Variants in KAZN observed in about 807,000 individuals in gnomAD.
KAZN encodes the protein kazrin, periplakin interacting protein, also known as kazrin.
A neutral mutation model predicts 87.4 loss-of-function variants in KAZN; 40 were observed. That is an observed-to-expected ratio of 0.46 (90% confidence interval 0.36 to 0.60). The LOEUF is 0.60. Ranked by LOEUF, KAZN falls within the 20% of genes least tolerant of loss-of-function variation. The pLI is 0.00. For missense variants in KAZN, 898 were observed against 1,073.9 expected, an observed-to-expected ratio of 0.84 and a Z score of 2.29; for synonymous variants, 466 against 458.3, an observed-to-expected ratio of 1.02 and a Z score of -0.22.
chr1:15,104,036 A>G lies in KAZN; in HGVS notation c.1895A>G (p.Asn632Ser), dbSNP rs1235400227. The G allele has an allele frequency of 6.8e-6, 11 of 1,613,560 alleles. No individual in the cohort carries two copies. Among genetic ancestry groups the G allele is most frequent in the Non-Finnish European group, 8.5e-6 (10 of 1,179,786 alleles). Reference protein sequence around the residue: ...RDIDLKEYADNLTNSGVHGAV... With the variant: ...RDIDLKEYADSLTNSGVHGAV... ...CTTTGCCCCCAGGAGTACGCAGACAACCTGACCAACAGCGGCGTCCATGGT... is the reference window on the plus strand; with the variant it reads ...CTTTGCCCCCAGGAGTACGCAGACAGCCTGACCAACAGCGGCGTCCATGGT... Residue 632 changes from asparagine (N) to serine (S), a missense_variant, in exon 13 of 15, where the codon AAC becomes AGC. By Grantham distance (46) the Asn-to-Ser change is conservative (BLOSUM62 1). Around this residue, in one of 3 missense-constraint regions of KAZN, gnomAD observed 521 missense variants for 689.4 expected, o/e 0.76. Transcript: ENST00000376030.
At chr1:14,472,878 G>C (rs559180861) in intron 2 of KAZN, among the ~76,000 whole-genome samples, 10 of 152,236 alleles carry the variant, frequency 6.6e-5, no homozygotes, top group African/African-American at 2.2e-4. Flanking sequence ...ATACAAAGTC[G>C]ATTAGATATG....
intron 2 of KAZN, among the ~76,000 whole-genome samples, chr1:14,361,670 T>C (rs944356560): frequency 6.6e-6 from 1 of 152,174 alleles, no homozygotes; most frequent in African/African-American, 2.4e-5. Flanking sequence ...CACGGCACAG[T>C]CCCTCACGGC....
intron 1 of KAZN, among the ~76,000 whole-genome samples, chr1:14,712,234 T>C (rs1344788793): frequency 2.6e-5 from 4 of 151,978 alleles, no homozygotes; most frequent in African/African-American, 9.7e-5. Context: ...AGAGAAGAGA[T>C]TAGAAGGGCA....
At chr1:14,096,801 G>C (rs1179018644) in intron 1 of KAZN, among the ~76,000 whole-genome samples, 1 of 152,180 alleles carries the variant, frequency 6.6e-6, no homozygotes, top group African/African-American at 2.4e-5. Context: ...GAATCCCCAG[G>C]CCTACTTCAA....
intron 8 of KAZN, among the ~76,000 whole-genome samples, chr1:15,076,810 T>TA (rs1460089264): frequency 1.3e-5 from 2 of 152,258 alleles, no homozygotes; most frequent in Non-Finnish European, 1.5e-5. Context: ...AAGCTGGAAT[T>TA]ACGGTCACCA....
chr1:14,500,851 A>T (rs1011706268), intron 2 of KAZN, among the ~76,000 whole-genome samples: 2 of 152,184 alleles, frequency 1.3e-5, no homozygotes, highest in Admixed American at 6.5e-5. Context: ...GCCTAGATGA[A>T]ATGGGAAAAT....
chr1:14,876,568 G>A (rs896917912), intron 1 of KAZN, among the ~76,000 whole-genome samples: 2 of 152,158 alleles, frequency 1.3e-5, no homozygotes, highest in African/African-American at 4.8e-5. Flanking sequence ...GAGCTGGACT[G>A]CCTGGATTCA....
intron 2 of KAZN, among the ~76,000 whole-genome samples, chr1:14,235,290 A>G (rs970985543): frequency 6.6e-6 from 1 of 152,254 alleles, no homozygotes; most frequent in Non-Finnish European, 1.5e-5. Context: ...TTATTCATCC[A>G]TAAAAAAGGA....
intron 1 of KAZN, among the ~76,000 whole-genome samples, chr1:14,043,721 C>T (rs1031155928): frequency 3.3e-5 from 5 of 152,060 alleles, no homozygotes; most frequent in African/African-American, 7.2e-5. Flanking sequence ...ACTGTGCATG[C>T]GTTATCCTCT....
At chr1:14,027,688 C>T (rs764110695) in intron 1 of KAZN, among the ~76,000 whole-genome samples, 1 of 152,154 alleles carries the variant, frequency 6.6e-6, no homozygotes, top group Non-Finnish European at 1.5e-5. Flanking sequence ...TAACCATTTA[C>T]ATATTAAAAA....
At chr1:14,007,613 G>GT (rs1420868560) in intron 1 of KAZN, among the ~76,000 whole-genome samples, 1 of 152,206 alleles carries the variant, frequency 6.6e-6, no homozygotes, top group Non-Finnish European at 1.5e-5. Context: ...ATCTGATGGT[G>GT]TATCTATAGT....
intron 1 of KAZN, among the ~76,000 whole-genome samples, chr1:13,909,364 G>A (rs907663475): frequency 2.6e-5 from 4 of 152,174 alleles, no homozygotes; most frequent in Non-Finnish European, 5.9e-5. Flanking sequence ...ACGAAAGGCT[G>A]TGTTTTTTCA....
At chr1:13,995,644 C>T (rs1639479787) in intron 1 of KAZN, among the ~76,000 whole-genome samples, 1 of 152,198 alleles carries the variant, frequency 6.6e-6, no homozygotes, top group Non-Finnish European at 1.5e-5. Context: ...AAACCCCATA[C>T]CTTTTTAGGT....
In KAZN at chr1:15,114,942, C is replaced by A. The variant is rs1318173593; in HGVS notation, c.*307C>A. On this transcript the variant is annotated 3_prime_UTR_variant, in exon 15 of 15. Transcript: ENST00000376030. ...ACAGGCTCCACCTCAGAGTGACCGT[C>A]ACTGTGGAGCAGCCAAGCAGTCCCT... The A allele has an allele frequency of 4.5e-6, 1 of 224,464 alleles. No homozygotes were observed. The highest frequency in any genetic ancestry group is 2.2e-5 in the African/African-American group (1 of 44,566). 13.9% of individuals were successfully genotyped at this position (224,464 alleles called of 1,614,324 possible).
rs961336801 is a variant in KAZN at position 14,701,096 on chromosome 1, A to G, written c.226+101873A>G. ...CACCATGCTCATTAGTGATGAGTGT[A>G]TAATGTAAAACATATGACATTAGTA... On this transcript the variant is annotated intron_variant, in intron 1 of 14. Transcript: ENST00000376030. Among the ~76,000 whole-genome samples the G allele has an allele frequency of 2.0e-5, 3 of 152,212 alleles. 1 individual carries two copies. In the East Asian group the frequency reaches 5.8e-4, roughly 29 times the overall value.
intron 2 of KAZN, among the ~76,000 whole-genome samples, chr1:14,280,561 A>G (rs1054189570): frequency 2.0e-5 from 3 of 151,932 alleles, no homozygotes; most frequent in Non-Finnish European, 4.4e-5. Flanking sequence ...TTGCCAGGCA[A>G]CCACCAGAAG....
chr1:14,081,220 G>C (rs1185817032), intron 1 of KAZN, among the ~76,000 whole-genome samples: 3 of 151,990 alleles, frequency 2.0e-5, no homozygotes, highest in Non-Finnish European at 4.4e-5. Context: ...TTAAATTTAG[G>C]TGTTAATTAA....
rs540994558 is a variant in KAZN, at chr1:14,486,364, T to C, written c.250-112619T>C. Among the ~76,000 whole-genome samples the C allele has an allele frequency of 1.1e-3, 163 of 152,286 alleles. 1 individual carries two copies. Among genetic ancestry groups the C allele is most frequent in the African/African-American group, 3.7e-3 (155 of 41,558 alleles). On this transcript the variant is annotated intron_variant, in intron 2 of 16. Transcript: ENST00000636203. ...ACAAATGAAATTATTTTTAACATAA[T>C]GTATGTTGTGGGATGCTTAAGTCCT...
intron 1 of KAZN, among the ~76,000 whole-genome samples, chr1:14,716,161 G>A (rs1040522501): frequency 1.3e-5 from 2 of 152,186 alleles, no homozygotes; most frequent in East Asian, 1.9e-4. Context: ...GCATGTGTAT[G>A]TATGTACACG....
Sources: gnomAD v4.1 joint callset for allele counts (sites outside exome capture counted in the v4.1 genomes callset) on GRCh38, gnomAD v4.1.1 for gene constraint, gnomAD v4.1.1 regional missense constraint, MANE v1.5 for transcripts, NCBI Gene and HGNC (gene_info 2026-07-23, HGNC 2026-07-21) for gene names.